Variants in DCDC1 observed in about 807,000 individuals in gnomAD.
The protein encoded by DCDC1 is doublecortin domain-containing protein 1.
Under a neutral mutation model 178.3 loss-of-function variants are expected in DCDC1, and 200 were observed. That is an observed-to-expected ratio of 1.12 (90% confidence interval 1.00 to 1.26). The LOEUF (loss-of-function observed/expected upper bound fraction) is 1.26. DCDC1 is among the 50% of genes most tolerant of loss of function. The pLI is 0.00. For synonymous variants in DCDC1, 690 were observed against 604.8 expected, an observed-to-expected ratio of 1.14 and a Z score of -2.07; for missense variants, 1,983 against 1,749.2, an observed-to-expected ratio of 1.13 and a Z score of -2.38.
At chr11:31,305,484 T>C in intron 6 of DCDC1, 131 bp downstream of exon 6, 2 of 1,187,370 alleles carry the variant, frequency 1.7e-6, no homozygotes, top group Non-Finnish European at 2.3e-6. Context: ...ATCCTCTTAC[T>C]GAGCTGTAAA....
Position 30,888,048 on chromosome 11 carries a change from AAGAAAGAAAGAAAG to A in DCDC1, c.5082+4756_5082+4769del, listed in dbSNP as rs1320833961. 4.6e-4 allele frequency among the ~76,000 whole-genome samples: 39 copies of A among 84,954 alleles called. 1 individual carries two copies. Among genetic ancestry groups the A allele is most frequent in the Non-Finnish European group, 7.9e-4 (33 of 41,872 alleles). The allele number at this position is 84,954 out of a possible 152,430, so 55.7% of individuals were successfully genotyped here. A position where few individuals can be genotyped will look rare whatever the true frequency, so the allele number is the denominator to read the frequency against. ...AGAGAGAGAGAGAAAGAAAGAAAGAAAGAAAGAAAGAAAGAGAGAGAGAGAGAGAGAGAGAGAAA... is the reference window on the plus strand; with the variant it reads ...AGAGAGAGAGAGAAAGAAAGAAAGAAAGAGAGAGAGAGAGAGAGAGAGAAA... On this transcript the variant is annotated intron_variant, in intron 36 of 38. Coordinates refer to ENST00000684477, the MANE Select transcript of DCDC1 (RefSeq NM_001387274.1).
At chr11:31,188,062 T>A (rs1330716) in intron 9 of DCDC1, among the ~76,000 whole-genome samples, 1 of 152,044 alleles carries the variant, frequency 6.6e-6, no homozygotes, top group African/African-American at 2.4e-5. Flanking sequence ...ACCTCTGAGC[T>A]CAAGGGATCC....
chr11:31,069,883 C>T (rs1009466212), intron 18 of DCDC1, among the ~76,000 whole-genome samples: 4 of 152,076 alleles, frequency 2.6e-5, no homozygotes, highest in African/African-American at 9.7e-5. Flanking sequence ...AAGGTAGGGC[C>T]ATGATGTGGC....
intron 20 of DCDC1, among the ~76,000 whole-genome samples, chr11:31,051,924 C>A (rs1955274967): frequency 6.6e-6 from 1 of 151,698 alleles, no homozygotes; most frequent in African/African-American, 2.4e-5. Context: ...AGTTAAAAAG[C>A]AAAAACAAAA....
rs763561879 is a variant in DCDC1 at position 30,903,676 on chromosome 11, G to A, written c.4316C>T (p.Thr1439Ile). ...IVAGTFPMLL[T>I]ECTEQLGLAR... ...AAGCCCAAGTTGTTCCGTGCATTCT[G>A]TAAGAAGCTAGATAACACAGGCAGT... The change falls in exon 32 of 39, where the codon ACA becomes ATA. Residue 1439 changes from threonine (T) to isoleucine (I), a missense_variant. By Grantham distance (89) the Thr-to-Ile change is moderately conservative. Transcript: ENST00000684477. 7.5e-6 allele frequency: 12 copies of A among 1,597,950 alleles called. No homozygotes were observed. Among genetic ancestry groups the A allele is most frequent in the Non-Finnish European group, 9.4e-6 (11 of 1,171,180 alleles).
chr11:31,072,710 A>C (rs564121418), intron 18 of DCDC1, among the ~76,000 whole-genome samples: 29 of 152,264 alleles, frequency 1.9e-4, no homozygotes, highest in South Asian at 2.1e-4. Flanking sequence ...CAAATAAGAC[A>C]AAAGACTTAT....
At chr11:31,117,268 C>G (rs1316320823) in intron 11 of DCDC1, among the ~76,000 whole-genome samples, 1 of 151,892 alleles carries the variant, frequency 6.6e-6, no homozygotes, top group Non-Finnish European at 1.5e-5. Context: ...CACGGGGAAT[C>G]AGATCTGATG....
chr11:31,240,711 G>T (rs562115745), intron 9 of DCDC1, among the ~76,000 whole-genome samples: 48 of 152,024 alleles, frequency 3.2e-4, no homozygotes, highest in African/African-American at 1.1e-3. Context: ...CATGTGCTTC[G>T]ATTCTTAAAA....
intron 9 of DCDC1, among the ~76,000 whole-genome samples, chr11:31,228,138 A>T (rs1477343415): frequency 1.3e-5 from 2 of 152,106 alleles, no homozygotes; most frequent in Non-Finnish European, 2.9e-5. Context: ...TCAATAAGAC[A>T]GAACAAACAT....
intron 22 of DCDC1, among the ~76,000 whole-genome samples, chr11:30,929,503 G>A (rs2134301538): frequency 6.6e-6 from 1 of 152,154 alleles, no homozygotes; most frequent in South Asian, 2.1e-4. Flanking sequence ...GTTGGAAAGT[G>A]GTGGTGGGTG....
chr11:31,228,617 C>A (rs1028497329), intron 9 of DCDC1, among the ~76,000 whole-genome samples: 7 of 151,756 alleles, frequency 4.6e-5, no homozygotes, highest in Non-Finnish European at 1.0e-4. Flanking sequence ...AGATGAAAAG[C>A]CATTTCTTGG....
At chr11:31,314,234 T>C (rs1427828744) in intron 3 of DCDC1, among the ~76,000 whole-genome samples, 5 of 152,220 alleles carry the variant, frequency 3.3e-5, no homozygotes, top group African/African-American at 4.8e-5. Flanking sequence ...TATAGAAGCA[T>C]TCTTTTTAAG....
chr11:31,279,086 A>G (rs747168115), intron 7 of DCDC1, among the ~76,000 whole-genome samples: 2 of 152,182 alleles, frequency 1.3e-5, no homozygotes, highest in Non-Finnish European at 2.9e-5. Context: ...TTTCCAGTCC[A>G]TGAACATGGT....
At chr11:30,982,547 C>G (rs888467686) in intron 20 of DCDC1, among the ~76,000 whole-genome samples, 2 of 152,094 alleles carry the variant, frequency 1.3e-5, no homozygotes, top group African/African-American at 4.8e-5. Context: ...GATGTAATGA[C>G]GTATTTAACA....
chr11:30,887,943 C>T (rs1590228281), intron 36 of DCDC1, among the ~76,000 whole-genome samples: 1 of 147,838 alleles, frequency 6.8e-6, no homozygotes, highest in East Asian at 2.0e-4. Flanking sequence ...GTGGAGGTTG[C>T]AGTGAGCTGA....
chr11:30,980,580 G>T (rs1226690081), intron 20 of DCDC1, among the ~76,000 whole-genome samples: 2 of 152,152 alleles, frequency 1.3e-5, no homozygotes, highest in Non-Finnish European at 2.9e-5. Flanking sequence ...TAGAGTTGTG[G>T]CTGTGCAGAA....
rs141680659 is a variant in DCDC1 at position 30,903,619 on chromosome 11, T to A, written c.4373A>T (p.Asp1458Val). The A allele has an allele frequency of 6.2e-7, 1 of 1,611,608 alleles. No individual in the cohort carries two copies. The highest frequency in any genetic ancestry group is 1.3e-5 in the African/African-American group (1 of 74,890). ...ACGCAAGGTAAAGATTGGGGTTCCA[T>A]CTTTGGTATATACTTTGGAGGCTGC... Reference protein sequence around the residue: ...ARAASKVYTKDGTPIFTLRDL... With the variant: ...ARAASKVYTKVGTPIFTLRDL... Residue 1458 changes from aspartate (D) to valine (V), a missense_variant, in exon 32 of 39, where the codon GAT (aspartate) becomes GTT (valine). Physicochemically the swap from Asp to Val is radical, Grantham distance 152. Transcript: ENST00000684477.
intron 20 of DCDC1, among the ~76,000 whole-genome samples, chr11:31,063,369 A>G (rs1956060230): frequency 6.6e-6 from 1 of 152,184 alleles, no homozygotes; most frequent in Non-Finnish European, 1.5e-5. Context: ...CCAAAGGATT[A>G]TAAATCACGC....
rs543584349 is a variant in DCDC1 at position 31,063,161 on chromosome 11, A to T, written c.2591+1308T>A. ...CAAAACCACAATGAGATACCATCTC[A>T]CACCAGTTAGAATGGCGATCATTAA... On this transcript the variant is annotated intron_variant, in intron 20 of 38. Coordinates refer to ENST00000684477, the MANE Select transcript of DCDC1 (RefSeq NM_001387274.1). 1.5e-4 allele frequency among the ~76,000 whole-genome samples: 23 copies of T among 152,232 alleles called. No individual in the cohort carries two copies. The South Asian group carries it at 4.4e-3, about 29-fold the overall frequency.
Sources: allele counts gnomAD v4.1 joint callset (sites outside exome capture counted in the v4.1 genomes callset), GRCh38; gene constraint gnomAD v4.1.1; transcripts MANE v1.5; gene names NCBI Gene and HGNC (gene_info 2026-07-23, HGNC 2026-07-21).